The following ZC3HAV1 variants were observed in gnomAD, a reference collection of about 807,000 sequenced individuals.
ZC3HAV1 encodes zinc finger CCCH-type antiviral protein 1.
A neutral mutation model predicts 86.6 loss-of-function variants in ZC3HAV1; 41 were observed. The observed-to-expected ratio is 0.47, with a 90% CI of 0.37 to 0.61. ZC3HAV1 has a LOEUF of 0.61. Ranked by LOEUF, ZC3HAV1 falls within the 20% of genes least tolerant of loss-of-function variation. The probability of loss-of-function intolerance (pLI) is 0.00; values close to 1 mark genes in which losing one functional copy is unlikely to be tolerated. For synonymous variants in ZC3HAV1, 421 were observed against 432.1 expected (o/e 0.97, Z 0.32); for missense variants, 964 against 1,141.1 (o/e 0.84, Z 2.24).
At chr7:139,063,723 CAAAAAAAAA>C (rs57944873) in intron 8 of ZC3HAV1, among the ~76,000 whole-genome samples, 15 of 73,970 alleles carry the variant, frequency 2.0e-4, no homozygotes, top group Non-Finnish European at 2.3e-4. Context: ...GACCCTGTCT[CAAAAAAAAA>C]AAAAAAAAAA....
chr7:139,067,685 G>A (rs1056799572), intron 7 of ZC3HAV1, among the ~76,000 whole-genome samples: 22 of 152,072 alleles, frequency 1.4e-4, no homozygotes, highest in African/African-American at 5.1e-4. Context: ...TGTAACAAAT[G>A]TAACAAAATT....
intron 7 of ZC3HAV1, among the ~76,000 whole-genome samples, chr7:139,072,469 G>A (rs1404949487): frequency 3.3e-5 from 5 of 152,148 alleles, no homozygotes; most frequent in Non-Finnish European, 7.4e-5. Context: ...TTACAGGAGT[G>A]AGCCACCGCA....
At chr7:139,081,014 C>T (rs996126441) in intron 3 of ZC3HAV1, among the ~76,000 whole-genome samples, 14 of 152,238 alleles carry the variant, frequency 9.2e-5, no homozygotes, top group South Asian at 4.1e-4. Flanking sequence ...AAGTCAACAT[C>T]GACAAAGCAG....
At position 139,074,010 on chromosome 7, in the gene ZC3HAV1, G is replaced by C. The variant is rs1276651704; in HGVS notation, c.1718C>G (p.Thr573Arg). Residue 573 changes from threonine (T) to arginine (R), a missense_variant, in exon 7 of 13, where the codon ACA (threonine) becomes AGA (arginine). Physicochemically the swap from Thr to Arg is moderately conservative, Grantham distance 71. Transcript: ENST00000242351. ...ACAACTCATTACCCGAAAATTGATT[G>C]TATAACTTCCTACAGAACAGCTGAG... ...GIHLCSVGSY[T>R]INFRVMSCDS... 6.2e-7 allele frequency: 1 copy of C among 1,612,564 alleles called. No homozygotes were observed. Among genetic ancestry groups the C allele is most frequent in the African/African-American group, 1.3e-5 (1 of 74,838 alleles).
intron 2 of ZC3HAV1, among the ~76,000 whole-genome samples, chr7:139,088,508 C>T (rs1017238278): frequency 3.9e-5 from 6 of 152,248 alleles, no homozygotes; most frequent in African/African-American, 1.2e-4. Context: ...AAAATGGTGA[C>T]AGTGAGTACA....
intron 7 of ZC3HAV1, among the ~76,000 whole-genome samples, chr7:139,068,984 G>GT (rs1169841660): frequency 2.6e-5 from 4 of 152,230 alleles, no homozygotes; most frequent in Admixed American, 6.5e-5. Context: ...TCTTGTTCCT[G>GT]TGTGTTGTCT....
At chr7:139,078,286 G>A (rs1817015054) in intron 5 of ZC3HAV1, among the ~76,000 whole-genome samples, 1 of 152,086 alleles carries the variant, frequency 6.6e-6, no homozygotes, top group South Asian at 2.1e-4. Context: ...AAAAGAACAA[G>A]TGTTGGTGAG....
chr7:139,080,033 T>C lies in ZC3HAV1; in HGVS notation c.908A>G (p.Gln303Arg). 1 of 1,614,200 alleles carries C rather than the reference T, an allele frequency of 6.2e-7. No homozygotes were observed. Among genetic ancestry groups the C allele is most frequent in the Non-Finnish European group, 8.5e-7 (1 of 1,180,036 alleles). The change falls in exon 4 of 13, where the codon CAG becomes CGG. Residue 303 changes from glutamine (Q) to arginine (R), a missense_variant. Physicochemically the swap from Gln to Arg is conservative, Grantham distance 43. Coordinates refer to ENST00000242351, the MANE Select transcript of ZC3HAV1 (RefSeq NM_020119.4). ...GCCTGAGGGAGGCCGAGCGCGATCC[T>C]GACTCCCCAGATACGTGAACTTGCG... ...LTRKFTYLGS[Q>R]DRARPPSGSS...
At chr7:139,060,475 C>A in intron 9 of ZC3HAV1, 8 of 992,512 alleles carry the variant, frequency 8.1e-6, no homozygotes, top group Non-Finnish European at 8.4e-6. Flanking sequence ...GCTAGCTCAT[C>A]CCTTTTTTCT....
rs1194112477 is a variant in ZC3HAV1, at chr7:139,078,584, A to C, written c.1541T>G (p.Leu514Arg). The C allele has an allele frequency of 1.9e-6, 3 of 1,592,428 alleles. No homozygotes were observed. Among genetic ancestry groups the C allele is most frequent in the Non-Finnish European group, 2.6e-6 (3 of 1,174,470 alleles). Residue 514 changes from leucine to arginine, a missense_variant, in exon 5 of 13, where the codon CTT becomes CGT. Physicochemically the swap from Leu to Arg is moderately radical, Grantham distance 102. Transcript: ENST00000242351. ...VDDHDSEEICLDHLCKGCPLN... is the reference protein window; with the variant it reads ...VDDHDSEEICRDHLCKGCPLN... ...CGGACAACCCTTACACAGATGGTCAAGACAAATTTCCTCTGAGTCATGATC... is the reference window on the plus strand; with the variant it reads ...CGGACAACCCTTACACAGATGGTCACGACAAATTTCCTCTGAGTCATGATC...
chr7:139,078,672 T>A lies in ZC3HAV1; in HGVS notation c.1472-19A>T. On this transcript the variant is annotated intron_variant, in intron 4 of 12. Coordinates refer to ENST00000242351, the MANE Select transcript of ZC3HAV1 (RefSeq NM_020119.4). ...AAAGAATCTATGAAACAAAAAAGGA[T>A]GCATGTATGCTGATCTTAATGTTTA... The A allele has an allele frequency of 6.6e-7, 1 of 1,526,016 alleles. No homozygotes were observed. The highest frequency in any genetic ancestry group is 1.2e-5 in the South Asian group (1 of 80,760). 94.5% of individuals were successfully genotyped at this position (1,526,016 alleles called of 1,614,324 possible).
In ZC3HAV1 at chr7:139,053,569, C is replaced by G. The variant is rs13438211; in HGVS notation, c.2331G>C (p.Gln777His). ...ATAGGAGTTTTCCTTCTTCCTTCAT[C>G]TGCGATTTCTTCCTAATATAAGAGA... ...LLDKFTWKKS[Q>H]MKEEGKLLFY... The change falls in exon 12 of 13, where the codon CAG becomes CAC. Residue 777 changes from glutamine (Q) to histidine (H), a missense_variant. By Grantham distance (24) the Gln-to-His change is conservative. Coordinates refer to ENST00000242351, the MANE Select transcript of ZC3HAV1 (RefSeq NM_020119.4). 1.9e-6 allele frequency: 3 copies of G among 1,597,078 alleles called. No individual in the cohort carries two copies. In the South Asian group the frequency reaches 3.4e-5, roughly 18 times the overall value.
chr7:139,089,087 G>A (rs1389768513), intron 2 of ZC3HAV1, among the ~76,000 whole-genome samples: 2 of 112,276 alleles, frequency 1.8e-5, no homozygotes, highest in Non-Finnish European at 3.3e-5. Context: ...GCGCAACACA[G>A]CGAGACTCCA....
chr7:139,060,272 A>G, intron 9 of ZC3HAV1: 2 of 985,408 alleles, frequency 2.0e-6, no homozygotes, highest in Non-Finnish European at 2.4e-6. Context: ...TTGATTTTAT[A>G]CTTCTCTTGA....
chr7:139,097,153 T>A (rs1382929557), intron 1 of ZC3HAV1, among the ~76,000 whole-genome samples: 3 of 148,394 alleles, frequency 2.0e-5, no homozygotes, highest in Non-Finnish European at 1.5e-5. Context: ...ATAATAATAA[T>A]AAAAATAAAA....
At chr7:139,053,703 C>G in intron 11 of ZC3HAV1, 122 bp from the exon 12 acceptor site, 1 of 1,324,914 alleles carries the variant, frequency 7.5e-7, no homozygotes, top group Non-Finnish European at 1.0e-6. Flanking sequence ...CACAACGGAG[C>G]TACTAACTTT....
At chr7:139,051,248 G>A (rs1289070185) in intron 12 of ZC3HAV1, among the ~76,000 whole-genome samples, 5 of 151,706 alleles carry the variant, frequency 3.3e-5, no homozygotes, top group Admixed American at 2.0e-4. Context: ...AGTAGAAACG[G>A]GGTTTCACCA....
chr7:139,107,381 CT>C (rs1487591618), intron 1 of ZC3HAV1, among the ~76,000 whole-genome samples: 6 of 152,194 alleles, frequency 3.9e-5, no homozygotes, highest in Admixed American at 1.3e-4. Context: ...GGTTTTTGCT[CT>C]AAAGAAATTT....
At chr7:139,104,818 G>A (rs1817881933) in intron 1 of ZC3HAV1, among the ~76,000 whole-genome samples, 1 of 150,228 alleles carries the variant, frequency 6.7e-6, no homozygotes, top group Non-Finnish European at 1.5e-5. Flanking sequence ...GATTGCTTAA[G>A]CCTAGGAGTT....
Sources: gnomAD v4.1 joint callset for allele counts (sites outside exome capture counted in the v4.1 genomes callset) on GRCh38, gnomAD v4.1.1 for gene constraint, MANE v1.5 for transcripts, NCBI Gene and HGNC (gene_info 2026-07-23, HGNC 2026-07-21) for gene names.